The following FRAS1 variants were observed in gnomAD, a reference collection of about 807,000 sequenced individuals.
FRAS1 encodes extracellular matrix organizing protein FRAS1.
A neutral mutation model predicts 435.2 loss-of-function variants in FRAS1; 290 were observed. The ratio of observed to expected loss-of-function variants is 0.67; its 90% confidence interval spans 0.61 to 0.73. FRAS1 has a LOEUF of 0.73. Ranked by LOEUF, FRAS1 falls within the 30% of genes least tolerant of loss-of-function variation. FRAS1 has a pLI of 0.00. For synonymous variants in FRAS1, 1,800 were observed against 1,851.0 expected (o/e 0.97, Z 0.71); for missense variants, 4,860 against 5,001.5 (o/e 0.97, Z 0.85).
At chr4:78,204,847 A>G (rs1317004605) in intron 2 of FRAS1, among the ~76,000 whole-genome samples, 2 of 152,326 alleles carry the variant, frequency 1.3e-5, no homozygotes, top group East Asian at 3.9e-4. Context: ...GCACAACTTG[A>G]TATGTTTTGA....
In FRAS1 at chr4:78,252,372, T is replaced by TTTTTTTTTC; in HGVS notation, c.310-20_310-19insTTTTTTTTC. On this transcript the variant is annotated intron_variant, in intron 4 of 73. Coordinates refer to ENST00000512123, the MANE Select transcript of FRAS1 (RefSeq NM_025074.7). ...GTTTTGGCACTAACCTTTTTTTTTTTCTGTCTCCCTAACACACAGCATGGG... is the reference window on the plus strand; with the variant it reads ...GTTTTGGCACTAACCTTTTTTTTTTTTTTTTTTTCCTGTCTCCCTAACACACAGCATGGG... 6.2e-7 allele frequency: 1 copy of TTTTTTTTTC among 1,601,268 alleles called. No individual in the cohort carries two copies. The highest frequency in any genetic ancestry group is 1.7e-4 in the Middle Eastern group (1 of 6,024).
At chr4:78,069,446 G>A (rs1740225134) in intron 2 of FRAS1, among the ~76,000 whole-genome samples, 2 of 152,142 alleles carry the variant, frequency 1.3e-5, no homozygotes, top group Admixed American at 6.6e-5. Context: ...TTCACTCATT[G>A]CTTAGGAAGC....
intron 2 of FRAS1, among the ~76,000 whole-genome samples, chr4:78,107,802 G>A (rs1334312630): frequency 5.3e-4 from 1 of 1,890 alleles, no homozygotes; most frequent in Non-Finnish European, 8.4e-4. Flanking sequence ...ACACAGACTG[G>A]CAAGTTGGAT....
chr4:78,458,385 T>C lies in FRAS1; in HGVS notation c.6764-5636T>C, dbSNP rs554296435. The stretch of plus-strand genomic sequence containing the variant: ...CAGTCATATGAAGCATTATTTTTAT[T>C]CACCAGATATAAATAGTTCTCTTGT... On this transcript the variant is annotated intron_variant, in intron 47 of 73. Coordinates refer to ENST00000512123, the MANE Select transcript of FRAS1 (RefSeq NM_025074.7). 7.2e-5 allele frequency among the ~76,000 whole-genome samples: 11 copies of C among 152,308 alleles called. No individual in the cohort carries two copies. In the East Asian group the frequency reaches 1.9e-3, roughly 27 times the overall value.
At chr4:78,443,498 T>C (rs890233926) in intron 41 of FRAS1, among the ~76,000 whole-genome samples, 4 of 152,250 alleles carry the variant, frequency 2.6e-5, no homozygotes, top group African/African-American at 9.6e-5. Context: ...TGAAATCTAA[T>C]GGCATGGAGC....
At chr4:78,395,438 T>G (rs924621430) in intron 29 of FRAS1, among the ~76,000 whole-genome samples, 39 of 152,054 alleles carry the variant, frequency 2.6e-4, no homozygotes, top group African/African-American at 8.7e-4. Flanking sequence ...GGATGATCTC[T>G]TTATTGTTAA....
intron 2 of FRAS1, among the ~76,000 whole-genome samples, chr4:78,178,263 A>G (rs1018895315): frequency 6.6e-6 from 1 of 151,946 alleles, no homozygotes; most frequent in Non-Finnish European, 1.5e-5. Flanking sequence ...TTTTTATCGA[A>G]AGAATGATTA....
chr4:78,271,362 G>T (rs571415117), intron 9 of FRAS1, among the ~76,000 whole-genome samples: 2 of 151,862 alleles, frequency 1.3e-5, no homozygotes, highest in Non-Finnish European at 1.5e-5. Flanking sequence ...TGTGCACAAC[G>T]TGCAGGTTTG....
intron 16 of FRAS1, 70 bp from the exon 17 acceptor site, chr4:78,317,298 G>A: frequency 1.3e-6 from 2 of 1,578,458 alleles, no homozygotes; most frequent in Admixed American, 1.7e-5. Context: ...GGCCCGTGAA[G>A]CCCAGCCAGG....
chr4:78,520,629 C>A (rs763219782), intron 67 of FRAS1, among the ~76,000 whole-genome samples: 25 of 139,526 alleles, frequency 1.8e-4, no homozygotes, highest in Non-Finnish European at 2.5e-4. Context: ...AAACCTAATA[C>A]AATGCATATG....
chr4:78,527,896 G>A (rs1468899803), intron 70 of FRAS1, among the ~76,000 whole-genome samples: 1 of 152,152 alleles, frequency 6.6e-6, no homozygotes, highest in East Asian at 1.9e-4. Context: ...TAGAGGGAAA[G>A]CTTGCAGAGC....
rs779811351 is a variant in FRAS1, at chr4:78,540,609, C to A, written c.11524C>A (p.Arg3842Ser). 1.3e-6 allele frequency: 2 copies of A among 1,556,302 alleles called. No homozygotes were observed. The highest frequency in any genetic ancestry group is 1.2e-5 in the South Asian group (1 of 80,838). The change falls in exon 74 of 74, where the codon CGC becomes AGC. Residue 3842 changes from arginine (R) to serine (S), a missense_variant. Physicochemically the swap from Arg to Ser is moderately radical, Grantham distance 110 (BLOSUM62 -1). Coordinates refer to ENST00000512123, the MANE Select transcript of FRAS1 (RefSeq NM_025074.7). ...PDTISGPRVQ[R>S]SLTAPLRRNR... ...CACCATCTCAGGGCCCCGGGTCCAG[C>A]GCTCTCTCACAGCTCCACTCAGACG...
At chr4:78,061,917 C>T (rs1233693945) in intron 1 of FRAS1, among the ~76,000 whole-genome samples, 5 of 152,078 alleles carry the variant, frequency 3.3e-5, no homozygotes, top group African/African-American at 2.4e-5. Context: ...AGTATGGAAA[C>T]GTTAGATGAT....
chr4:78,075,924 T>C (rs1740615715), intron 2 of FRAS1, among the ~76,000 whole-genome samples: 1 of 152,066 alleles, frequency 6.6e-6, no homozygotes, highest in South Asian at 2.1e-4. Context: ...TGAGAAGGGA[T>C]TTTAAAACTC....
chr4:78,302,556 G>T (rs1251098725), intron 14 of FRAS1, among the ~76,000 whole-genome samples: 1 of 152,124 alleles, frequency 6.6e-6, no homozygotes, highest in Non-Finnish European at 1.5e-5. Flanking sequence ...TCTAACTGGT[G>T]TGAGATGGTA....
chr4:78,191,389 C>A (rs965031339), intron 2 of FRAS1, among the ~76,000 whole-genome samples: 1 of 152,018 alleles, frequency 6.6e-6, no homozygotes, highest in Non-Finnish European at 1.5e-5. Context: ...TCAGTTAAAC[C>A]GGCATTTTAT....
chr4:78,358,486 G>C (rs1377577295), intron 20 of FRAS1, among the ~76,000 whole-genome samples: 1 of 152,070 alleles, frequency 6.6e-6, no homozygotes, highest in African/African-American at 2.4e-5. Context: ...GTCTATATAT[G>C]ATATGTGTAA....
At chr4:78,385,793 G>T (rs1237984875) in intron 28 of FRAS1, among the ~76,000 whole-genome samples, 1 of 151,832 alleles carries the variant, frequency 6.6e-6, no homozygotes, top group Non-Finnish European at 1.5e-5. Context: ...GCTGAGGCAG[G>T]AGACTCGCTT....
chr4:78,482,580 A>AT, intron 58 of FRAS1, 45 bp downstream of exon 58: 3 of 1,578,256 alleles, frequency 1.9e-6, no homozygotes, highest in Middle Eastern at 3.4e-4. Flanking sequence ...ATATATTTCT[A>AT]TTTTTTCTTT....
Sources: allele counts gnomAD v4.1 joint callset (sites outside exome capture counted in the v4.1 genomes callset), GRCh38; gene constraint gnomAD v4.1.1; transcripts MANE v1.5; gene names NCBI Gene and HGNC (gene_info 2026-07-23, HGNC 2026-07-21).